ELMOD3: variants seen among roughly 807,000 people sequenced by gnomAD.
ELMOD3 encodes the protein ELMO domain containing 3.
A neutral mutation model predicts 47.4 loss-of-function variants in ELMOD3; 36 were observed. That is an observed-to-expected ratio of 0.76 (90% CI 0.58 to 1.00). The LOEUF (loss-of-function observed/expected upper bound fraction) is 1.00. Ranked by LOEUF, ELMOD3 falls within the 50% of genes least tolerant of loss-of-function variation. The probability of loss-of-function intolerance (pLI) is 0.00; values close to 1 mark genes in which losing one functional copy is unlikely to be tolerated. For synonymous variants in ELMOD3, 149 were observed against 183.5 expected (o/e 0.81, Z 1.52); for missense variants, 404 against 463.8 (o/e 0.87, Z 1.18).
At chr2:85,389,676 C>T (rs1308272498) in intron 11 of ELMOD3, 75 bp from the exon 12 acceptor site, 7 of 1,293,328 alleles carry the variant, frequency 5.4e-6, no homozygotes, top group Admixed American at 1.7e-5. Flanking sequence ...TGCCTGCGAG[C>T]CACACCAGGC....
intron 11 of ELMOD3, among the ~76,000 whole-genome samples, chr2:85,381,500 A>T (rs1573137957): frequency 6.6e-6 from 1 of 152,392 alleles, no homozygotes; most frequent in African/African-American, 2.4e-5. Flanking sequence ...TATAACTTCC[A>T]TAAGCCTTTT....
intron 10 of ELMOD3, chr2:85,372,451 C>T (rs1221687026): frequency 1.3e-5 from 2 of 152,260 alleles, no homozygotes; most frequent in African/African-American, 4.8e-5. Flanking sequence ...ATGGAAAACA[C>T]TGGAGTGATG....
intron 10 of ELMOD3, chr2:85,371,818 G>T (rs759598017): frequency 1.9e-4 from 70 of 370,194 alleles, no homozygotes; most frequent in Non-Finnish European, 3.3e-4. Flanking sequence ...CAGATTACTT[G>T]AGGTCCTGAG....
chr2:85,372,086 T>G, intron 10 of ELMOD3: 1 of 153,612 alleles, frequency 6.5e-6, no homozygotes, highest in South Asian at 2.0e-4. Flanking sequence ...GGAGAATTGC[T>G]TGAACCTGGG....
At position 85,391,218 on chromosome 2, in the gene ELMOD3, C is replaced by G. The variant is rs1331916190; in HGVS notation, c.*256C>G. On this transcript the variant is annotated 3_prime_UTR_variant, in exon 14 of 14. Transcript: ENST00000409013. ...CTGCCTTAATCTGTTGGGCTCCAGT[C>G]TCCGGGTTGAATTCCAGTGTATCCC... The G allele has an allele frequency of 2.2e-6, 1 of 457,904 alleles. No individual in the cohort carries two copies. Among genetic ancestry groups the G allele is most frequent in the African/African-American group, 2.0e-5 (1 of 50,582 alleles). The allele number at this position is 457,904 out of a possible 1,614,324, so 28.4% of individuals were successfully genotyped here.
intron 4 of ELMOD3, among the ~76,000 whole-genome samples, chr2:85,360,018 C>T (rs1187717414): frequency 6.6e-6 from 1 of 151,948 alleles, no homozygotes; most frequent in Admixed American, 6.6e-5. Flanking sequence ...GAGCCATGAT[C>T]GTGCCACTAT....
At chr2:85,365,748 A>G (rs1302117438) in intron 6 of ELMOD3, among the ~76,000 whole-genome samples, 1 of 152,132 alleles carries the variant, frequency 6.6e-6, no homozygotes, top group Non-Finnish European at 1.5e-5. Flanking sequence ...CCCCCTTGCC[A>G]CTGTGGTTCC....
In ELMOD3 at chr2:85,390,806, C is replaced by T; in HGVS notation, c.990C>T (p.Thr330=). The change falls in exon 14 of 14, where the codon ACC becomes ACT. Residue 330 remains threonine, a synonymous_variant. Transcript: ENST00000409013. The stretch of plus-strand genomic sequence containing the variant: ...AGAGCCCACGGCGGCTGCTCAAGAC[C>T]CTGGAGCTGTACTTGGCCAGGGTGT... ...AKKSPRRLLK[T]LELYLARVSK... is the part of the protein sequence containing the mutation. The T allele has an allele frequency of 1.3e-6, 2 of 1,551,562 alleles. No individual in the cohort carries two copies. Among genetic ancestry groups the T allele is most frequent in the Non-Finnish European group, 1.7e-6 (2 of 1,146,996 alleles).
chr2:85,388,684 C>T (rs1220818108), intron 11 of ELMOD3, among the ~76,000 whole-genome samples: 1 of 152,208 alleles, frequency 6.6e-6, no homozygotes, highest in Non-Finnish European at 1.5e-5. Flanking sequence ...GGAAATGCAC[C>T]ATCCAGTACA....
chr2:85,369,808 C>A lies in ELMOD3; in HGVS notation c.338C>A (p.Thr113Asn), dbSNP rs201461413. The stretch of plus-strand genomic sequence containing the variant: ...AGTGAGGCCCTGCAGCACTTCCAGA[C>A]TGTGGACCTTTCCCCCTTCAAGGTA... ...SFSEALQHFQ[T>N]VDLSPFKKRI... The change falls in exon 8 of 14, where the codon ACT (threonine) becomes AAT (asparagine). Residue 113 changes from threonine to asparagine, a missense_variant. Physicochemically the swap from Thr to Asn is moderately conservative, Grantham distance 65. Transcript: ENST00000409013. 7.5e-5 allele frequency: 121 copies of A among 1,614,118 alleles called. No homozygotes were observed. The African/African-American group carries it at 1.5e-3, about 21-fold the overall frequency.
intron 11 of ELMOD3, among the ~76,000 whole-genome samples, chr2:85,378,619 G>A (rs559584980): frequency 1.5e-4 from 23 of 152,338 alleles, no homozygotes; most frequent in Non-Finnish European, 2.8e-4. Context: ...GAGGCAATCA[G>A]ATATGCATTT....
In ELMOD3 at chr2:85,389,629, CAAT is replaced by C. The variant is rs1686181374; in HGVS notation, c.739-114_739-112del. On this transcript the variant is annotated intron_variant, in intron 11 of 13. Coordinates refer to ENST00000409013, the MANE Select transcript of ELMOD3 (RefSeq NM_001135022.2). ...GATTATTAGGAAAATTAAGTGGAAG[CAAT>C]AATAATATCAGCTGTTGCCTCTGGG... is the stretch of plus-strand genomic sequence containing the variant. The C allele has an allele frequency of 1.6e-5, 11 of 704,788 alleles. No individual in the cohort carries two copies. The East Asian group carries it at 2.4e-4, about 15-fold the overall frequency. The allele number at this position is 704,788 out of a possible 1,614,324, so 43.7% of individuals were successfully genotyped here.
chr2:85,360,359 C>CT (rs1195786903), intron 4 of ELMOD3, among the ~76,000 whole-genome samples: 9,289 of 129,046 alleles, frequency 0.072, 528 homozygotes, highest in African/African-American at 0.16. Context: ...GTTGGTTTTT[C>CT]TTTTTTTTTT....
chr2:85,380,020 G>C (rs542187744), intron 11 of ELMOD3, among the ~76,000 whole-genome samples: 1 of 152,180 alleles, frequency 6.6e-6, no homozygotes, highest in Non-Finnish European at 1.5e-5. Flanking sequence ...TCCCAAGGGC[G>C]TTATTGGCTT....
Position 85,390,806 on chromosome 2 carries a change from C to G in ELMOD3, c.990C>G (p.Thr330=). 1 of 1,551,562 alleles carries G rather than the reference C, an allele frequency of 6.4e-7. No homozygotes were observed. Among genetic ancestry groups the G allele is most frequent in the South Asian group, 1.2e-5 (1 of 84,054 alleles). ...AKKSPRRLLK[T]LELYLARVSK... ...AGAGCCCACGGCGGCTGCTCAAGAC[C>G]CTGGAGCTGTACTTGGCCAGGGTGT... The change falls in exon 14 of 14, where the codon ACC becomes ACG. Residue 330 remains threonine (T), a synonymous_variant. Transcript: ENST00000409013.
chr2:85,371,750 T>A, intron 10 of ELMOD3, 188 bp downstream of exon 10: 1 of 753,670 alleles, frequency 1.3e-6, no homozygotes, highest in Non-Finnish European at 2.0e-6. Flanking sequence ...ATAGCAAGAG[T>A]AGGTCGGGCG....
At chr2:85,382,180 G>A (rs1448057338) in intron 11 of ELMOD3, among the ~76,000 whole-genome samples, 1 of 135,138 alleles carries the variant, frequency 7.4e-6, no homozygotes, top group African/African-American at 2.8e-5. Flanking sequence ...CGGCTCATGA[G>A]TGTAATCCCA....
chr2:85,384,207 T>A (rs1685770959), intron 11 of ELMOD3, among the ~76,000 whole-genome samples: 1 of 152,268 alleles, frequency 6.6e-6, no homozygotes, highest in Non-Finnish European at 1.5e-5. Context: ...CCCTAAGCAG[T>A]TTCCAGCTTG....
intron 11 of ELMOD3, among the ~76,000 whole-genome samples, chr2:85,380,545 A>G (rs1388959544): frequency 6.6e-6 from 1 of 152,088 alleles, no homozygotes; most frequent in African/African-American, 2.4e-5. Context: ...ATTTATTTTT[A>G]GACTACTCTT....
Sources: allele counts gnomAD v4.1 joint callset (sites outside exome capture counted in the v4.1 genomes callset), GRCh38; gene constraint gnomAD v4.1.1; transcripts MANE v1.5; gene names NCBI Gene and HGNC (gene_info 2026-07-23, HGNC 2026-07-21).